INO80D: variants seen among roughly 807,000 people sequenced by gnomAD.
INO80D encodes the protein INO80 complex subunit D.
Under a neutral mutation model 87.6 loss-of-function variants are expected in INO80D, and 21 were observed. The observed-to-expected ratio is 0.24, with a 90% CI of 0.17 to 0.35. The LOEUF (loss-of-function observed/expected upper bound fraction) is 0.35, where lower values mean the gene tolerates loss of function less well. Ranked by LOEUF, INO80D falls within the 10% of genes least tolerant of loss-of-function variation. The pLI, the probability that INO80D is intolerant of heterozygous loss-of-function variation, is 1.00. For synonymous variants in INO80D, 440 were observed against 491.0 expected, an observed-to-expected ratio of 0.90 and a Z score of 1.37; for missense variants, 982 against 1,280.7, an observed-to-expected ratio of 0.77 and a Z score of 3.56.
chr2:206,039,185 G>A (rs1688968876), intron 5 of INO80D, among the ~76,000 whole-genome samples: 1 of 152,156 alleles, frequency 6.6e-6, no homozygotes, highest in Admixed American at 6.5e-5. Context: ...ATCACCTGAG[G>A]TCGGGAGTTC....
intron 6 of INO80D, among the ~76,000 whole-genome samples, chr2:206,027,442 T>C (rs1688646967): frequency 6.6e-6 from 1 of 152,186 alleles, no homozygotes; most frequent in South Asian, 2.1e-4. Flanking sequence ...CTAACACCTC[T>C]AATCCCAACA....
Position 206,056,548 on chromosome 2 carries a change from G to C in INO80D, c.614C>G (p.Pro205Arg). The C allele has an allele frequency of 6.2e-7, 1 of 1,613,110 alleles. No homozygotes were observed. Among genetic ancestry groups the C allele is most frequent in the Non-Finnish European group, 8.5e-7 (1 of 1,179,518 alleles). ...TGACAGGTGGGAGTGCTGCTGCGGA[G>C]GCTGCTGCTGTGAAGGTGCAGGAGG... ...SPPPAPSQQQPPQQHSHLSPL... is the reference protein window; with the variant it reads ...SPPPAPSQQQRPQQHSHLSPL... The change falls in exon 4 of 11, where the codon CCT (proline) becomes CGT (arginine). Residue 205 changes from proline to arginine, a missense_variant. Coordinates refer to ENST00000403263, the MANE Select transcript of INO80D (RefSeq NM_017759.5).
At chr2:206,017,545 T>A in intron 8 of INO80D, 135 bp downstream of exon 8, 1 of 625,184 alleles carries the variant, frequency 1.6e-6, no homozygotes, top group Non-Finnish European at 2.6e-6. Flanking sequence ...ATAAAATGTA[T>A]CTTAAGGGAA....
rs1687963281 is a variant in INO80D at position 206,004,325 on chromosome 2, A to G, written c.*43T>C. 2.0e-6 allele frequency: 3 copies of G among 1,514,370 alleles called. No individual in the cohort carries two copies. Among genetic ancestry groups the G allele is most frequent in the Non-Finnish European group, 2.7e-6 (3 of 1,113,966 alleles). 93.8% of individuals were successfully genotyped at this position (1,514,370 alleles called of 1,614,324 possible). The stretch of plus-strand genomic sequence containing the variant: ...GGTGCTAAAGAGGAAACAAAGATAG[A>G]AAACACTGGGTTCCCCACCTGCCTG... On this transcript the variant is annotated 3_prime_UTR_variant, in exon 11 of 11. Coordinates refer to ENST00000403263, the MANE Select transcript of INO80D (RefSeq NM_017759.5). The surrounding 1 kb of genome is among the most constrained non-coding windows in gnomAD (Gnocchi z 4.9).
intron 5 of INO80D, among the ~76,000 whole-genome samples, chr2:206,033,768 C>A (rs1464291523): frequency 6.6e-6 from 1 of 151,692 alleles, no homozygotes; most frequent in Non-Finnish European, 1.5e-5. Flanking sequence ...TTGAAACAAA[C>A]AAACAAAAAA....
intron 4 of INO80D, among the ~76,000 whole-genome samples, chr2:206,054,040 A>G (rs1478385777): frequency 1.3e-5 from 2 of 152,078 alleles, no homozygotes; most frequent in African/African-American, 4.8e-5. Flanking sequence ...GGGTTTTGCC[A>G]TATTGGCCAG....
At chr2:206,064,186 T>C (rs1354247729) in intron 1 of INO80D, among the ~76,000 whole-genome samples, 1 of 152,176 alleles carries the variant, frequency 6.6e-6, no homozygotes, top group Non-Finnish European at 1.5e-5. Context: ...AAAATAATCG[T>C]GGCTTATGAG....
chr2:206,065,186 A>G (rs568090032), intron 1 of INO80D, among the ~76,000 whole-genome samples: 133 of 152,292 alleles, frequency 8.7e-4, no homozygotes, highest in Non-Finnish European at 1.6e-3. Flanking sequence ...TCTGAAAAGT[A>G]CAGGGTGGGC....
chr2:206,055,752 T>TA (rs1689500272), intron 4 of INO80D, among the ~76,000 whole-genome samples: 1 of 152,220 alleles, frequency 6.6e-6, no homozygotes. Context: ...TGATCAGAAA[T>TA]ATTTGAGAAA....
intron 4 of INO80D, among the ~76,000 whole-genome samples, chr2:206,052,358 TAA>T (rs2105875718): frequency 6.6e-6 from 1 of 152,128 alleles, no homozygotes; most frequent in South Asian, 2.1e-4. Context: ...CACGCCCAGC[TAA>T]GTTTTTGTAT....
At chr2:206,063,361 C>T in intron 1 of INO80D, 117 bp from the exon 2 acceptor site, 1 of 414,802 alleles carries the variant, frequency 2.4e-6, no homozygotes, top group East Asian at 4.3e-5. Flanking sequence ...CACTGTAAAT[C>T]AACATCCCAA....
chr2:206,067,938 G>A lies in INO80D; in HGVS notation c.-123-4694C>T, dbSNP rs577587650. On this transcript the variant is annotated intron_variant, in intron 1 of 10. Coordinates refer to ENST00000403263, the MANE Select transcript of INO80D (RefSeq NM_017759.5). ...AGCCTGGGCAACAGAGGGAAACCCTGTTTCAAAAAAAAAATGCAACTCAAC... is the reference window on the plus strand; with the variant it reads ...AGCCTGGGCAACAGAGGGAAACCCTATTTCAAAAAAAAAATGCAACTCAAC... 1.3e-3 allele frequency among the ~76,000 whole-genome samples: 193 copies of A among 151,676 alleles called. 2 individuals are homozygous for A. The Middle Eastern group carries it at 0.024, about 19-fold the overall frequency.
rs2105781307 is a variant in INO80D, at chr2:205,996,203, G to T, written c.*8165C>A. 1 of 151,928 alleles carries T rather than the reference G, an allele frequency of 6.6e-6. No individual in the cohort carries two copies. Among genetic ancestry groups the T allele is most frequent in the South Asian group, 2.1e-4 (1 of 4,816 alleles). The allele number at this position is 151,928 out of a possible 1,614,324, so 9.4% of individuals were successfully genotyped here. A position where few individuals can be genotyped will look rare whatever the true frequency, so the allele number is the denominator to read the frequency against. On this transcript the variant is annotated 3_prime_UTR_variant, in exon 11 of 11. Transcript: ENST00000403263. ...TATTACCAAAACTTGTATCTTCTGG[G>T]AAAATTTCAGAGATAAAGATCTTTA...
intron 6 of INO80D, among the ~76,000 whole-genome samples, chr2:206,021,524 T>G (rs1690377659): frequency 6.6e-6 from 1 of 152,242 alleles, no homozygotes; most frequent in South Asian, 2.1e-4. Context: ...ATATATAATT[T>G]CAAATAAATA....
In INO80D at chr2:205,998,793, T is replaced by G. The variant is rs1250767528; in HGVS notation, c.*5575A>C. 6.6e-6 allele frequency: 1 copy of G among 152,210 alleles called. No homozygotes were observed. The highest frequency in any genetic ancestry group is 2.4e-5 in the African/African-American group (1 of 41,462). The allele number at this position is 152,210 out of a possible 1,614,324, so 9.4% of individuals were successfully genotyped here. ...TTCCTCTTTCTTCCGCTCTCTTCAA[T>G]GATGAGTCACCTTTAGTTTCTTTTA... is the stretch of plus-strand genomic sequence containing the variant. On this transcript the variant is annotated 3_prime_UTR_variant, in exon 11 of 11. Coordinates refer to ENST00000403263, the MANE Select transcript of INO80D (RefSeq NM_017759.5).
intron 1 of INO80D, among the ~76,000 whole-genome samples, chr2:206,066,687 C>A (rs1008811194): frequency 2.1e-4 from 32 of 151,844 alleles, no homozygotes; most frequent in Non-Finnish European, 1.5e-5. Context: ...CACCTGTAAT[C>A]CCAGCTACTC....
chr2:206,066,502 T>A (rs1689818585), intron 1 of INO80D, among the ~76,000 whole-genome samples: 1 of 151,952 alleles, frequency 6.6e-6, no homozygotes, highest in African/African-American at 2.4e-5. Context: ...ATTCAGCCAT[T>A]AAAAAGAATG....
intron 5 of INO80D, among the ~76,000 whole-genome samples, chr2:206,044,726 T>C (rs968387651): frequency 5.9e-5 from 9 of 152,196 alleles, no homozygotes; most frequent in African/African-American, 2.2e-4. Context: ...ATACTCCCTA[T>C]ACTGATGTCA....
At chr2:206,058,609 C>T (rs573529911) in intron 3 of INO80D, among the ~76,000 whole-genome samples, 2 of 152,014 alleles carry the variant, frequency 1.3e-5, no homozygotes, top group African/African-American at 4.8e-5. Context: ...ATGGTAGATG[C>T]CTGTAATCCC....
Sources: allele counts gnomAD v4.1 joint callset (sites outside exome capture counted in the v4.1 genomes callset), GRCh38; gene constraint gnomAD v4.1.1; non-coding constraint Gnocchi (gnomAD v3.1); transcripts MANE v1.5; gene names NCBI Gene and HGNC (gene_info 2026-07-23, HGNC 2026-07-21).